Variants in GTF2F2 observed in about 807,000 individuals in gnomAD.
GTF2F2 encodes ATP-dependent helicase GTF2F2.
Under a neutral mutation model 42.2 loss-of-function variants are expected in GTF2F2, and 23 were observed. That is an observed-to-expected ratio of 0.55 (90% CI 0.39 to 0.77). The LOEUF (loss-of-function observed/expected upper bound fraction) is 0.77. GTF2F2 is among the 30% of genes least tolerant of loss of function. The pLI, the probability that GTF2F2 is intolerant of heterozygous loss-of-function variation, is 0.00. For synonymous variants in GTF2F2, 105 were observed against 100.8 expected (o/e 1.04, Z -0.25); for missense variants, 261 against 287.2 (o/e 0.91, Z 0.66).
intron 1 of GTF2F2, among the ~76,000 whole-genome samples, chr13:45,124,382 T>G (rs2138084477): frequency 6.7e-6 from 1 of 149,246 alleles, no homozygotes; most frequent in Non-Finnish European, 1.5e-5. Context: ...GCACCTGGCC[T>G]CCCCACTGGC....
At chr13:45,270,439 G>A (rs1036865629) in intron 7 of GTF2F2, among the ~76,000 whole-genome samples, 4 of 152,148 alleles carry the variant, frequency 2.6e-5, no homozygotes, top group African/African-American at 9.7e-5. Context: ...GCCACGTCTG[G>A]TAAGAGGCTT....
At chr13:45,268,348 T>A (rs541217773) in intron 7 of GTF2F2, among the ~76,000 whole-genome samples, 2 of 152,198 alleles carry the variant, frequency 1.3e-5, no homozygotes, top group African/African-American at 4.8e-5. Flanking sequence ...AGGACTTGAT[T>A]TTTTTTATTT....
chr13:45,255,186 A>AAAAAAAAAAAAAAAC (rs1367818736), intron 6 of GTF2F2, among the ~76,000 whole-genome samples: 1 of 151,582 alleles, frequency 6.6e-6, no homozygotes, highest in Non-Finnish European at 1.5e-5. Context: ...AAAAAAAAAA[A>AAAAAAAAAAAAAAAC]AAAAGACTAG....
chr13:45,209,867 A>T (rs935270811), intron 5 of GTF2F2, among the ~76,000 whole-genome samples: 1 of 152,210 alleles, frequency 6.6e-6, no homozygotes, highest in Non-Finnish European at 1.5e-5. Context: ...GTTTTTAGTT[A>T]AACCTTGGTT....
intron 5 of GTF2F2, among the ~76,000 whole-genome samples, chr13:45,242,256 CTTTTTTTTT>C (rs71184405): frequency 1.1e-4 from 12 of 105,682 alleles, no homozygotes; most frequent in Admixed American, 2.1e-4. Flanking sequence ...GCTGGCACTT[CTTTTTTTTT>C]TTTTTTTTTT....
chr13:45,239,520 C>T (rs988719451), intron 5 of GTF2F2, among the ~76,000 whole-genome samples: 3 of 152,192 alleles, frequency 2.0e-5, no homozygotes, highest in Non-Finnish European at 4.4e-5. Flanking sequence ...CACAAAAAGA[C>T]TCCATTAGTC....
chr13:45,235,136 A>G (rs1874899971), intron 5 of GTF2F2, among the ~76,000 whole-genome samples: 1 of 151,732 alleles, frequency 6.6e-6, no homozygotes, highest in Non-Finnish European at 1.5e-5. Flanking sequence ...GAAAACAGAA[A>G]ATCTTACAGT....
chr13:45,172,562 CTT>C (rs1010651474), intron 4 of GTF2F2, among the ~76,000 whole-genome samples: 2 of 152,056 alleles, frequency 1.3e-5, no homozygotes, highest in Admixed American at 6.6e-5. Context: ...TCTAATGTCT[CTT>C]TTTTATTTTT....
chr13:45,230,789 C>G (rs1874636748), intron 5 of GTF2F2, among the ~76,000 whole-genome samples: 1 of 152,202 alleles, frequency 6.6e-6, no homozygotes, highest in Non-Finnish European at 1.5e-5. Flanking sequence ...CCACTACCAT[C>G]TACTAAAATG....
intron 5 of GTF2F2, among the ~76,000 whole-genome samples, chr13:45,252,439 G>C (rs1353620216): frequency 6.6e-6 from 1 of 152,170 alleles, no homozygotes; most frequent in Non-Finnish European, 1.5e-5. Context: ...AGTAAACCTT[G>C]AGTGTTGATG....
At chr13:45,236,996 T>TG (rs1225875135) in intron 5 of GTF2F2, among the ~76,000 whole-genome samples, 21 of 152,192 alleles carry the variant, frequency 1.4e-4, no homozygotes, top group African/African-American at 5.1e-4. Flanking sequence ...TGAAATGATT[T>TG]TTTTCTACTT....
At chr13:45,139,908 C>T (rs192478902) in intron 2 of GTF2F2, among the ~76,000 whole-genome samples, 1 of 152,292 alleles carries the variant, frequency 6.6e-6, no homozygotes, top group East Asian at 1.9e-4. Context: ...ATCTACCATG[C>T]TCAAGTCCTT....
At chr13:45,214,483 C>T (rs1873812829) in intron 5 of GTF2F2, among the ~76,000 whole-genome samples, 1 of 152,116 alleles carries the variant, frequency 6.6e-6, no homozygotes, top group Non-Finnish European at 1.5e-5. Flanking sequence ...CTAAAACTAA[C>T]TAAATAAAAA....
At chr13:45,223,041 A>G (rs911258601) in intron 5 of GTF2F2, among the ~76,000 whole-genome samples, 1 of 152,102 alleles carries the variant, frequency 6.6e-6, no homozygotes, top group Non-Finnish European at 1.5e-5. Context: ...GAATAATTTT[A>G]TGGAGACTTC....
chr13:45,137,093 C>T (rs1195270182), intron 2 of GTF2F2, among the ~76,000 whole-genome samples: 1 of 152,154 alleles, frequency 6.6e-6, no homozygotes, highest in Non-Finnish European at 1.5e-5. Flanking sequence ...AGTTCTTTCA[C>T]CCCTCCATCC....
In GTF2F2 at chr13:45,162,270, C is replaced by G. The variant is rs141216424; in HGVS notation, c.304+10439C>G. On this transcript the variant is annotated intron_variant, in intron 4 of 7. Coordinates refer to ENST00000340473, the MANE Select transcript of GTF2F2 (RefSeq NM_004128.3). ...CTGCATTTCACAGGGCAGCCATCTT[C>G]AAGTCCCATTCACTTTGGCAGCTAG... Among the ~76,000 whole-genome samples, 143 of 152,308 alleles carry G rather than the reference C, an allele frequency of 9.4e-4. 2 individuals carry two copies. In the East Asian group the frequency reaches 0.02, roughly 22 times the overall value.
chr13:45,197,267 C>T (rs375445744), intron 4 of GTF2F2, among the ~76,000 whole-genome samples: 56 of 150,534 alleles, frequency 3.7e-4, no homozygotes, highest in African/African-American at 1.2e-3. Context: ...GAGGCTGAGG[C>T]GGGCAGGTCA....
chr13:45,242,787 A>G (rs545190813), intron 5 of GTF2F2, among the ~76,000 whole-genome samples: 24 of 152,310 alleles, frequency 1.6e-4, no homozygotes, highest in African/African-American at 5.8e-4. Context: ...AAGAATATTT[A>G]TTGAGTTGCT....
chr13:45,179,960 G>T (rs531882157), intron 4 of GTF2F2, among the ~76,000 whole-genome samples: 1 of 152,092 alleles, frequency 6.6e-6, no homozygotes, highest in African/African-American at 2.4e-5. Flanking sequence ...GGAGGTGGGG[G>T]TGTAGATGTG....
Sources: allele counts gnomAD v4.1 joint callset (sites outside exome capture counted in the v4.1 genomes callset), GRCh38; gene constraint gnomAD v4.1.1; transcripts MANE v1.5; gene names NCBI Gene and HGNC (gene_info 2026-07-23, HGNC 2026-07-21).